The following ASTN2 variants were observed in gnomAD, a reference collection of about 807,000 sequenced individuals.
ASTN2 encodes the protein astrotactin 2, also known as astrotactin-2.
ASTN2 carries 54 observed loss-of-function variants against 139.8 expected under a neutral mutation model. The ratio of observed to expected loss-of-function variants is 0.39; its 90% CI spans 0.31 to 0.48. The LOEUF is 0.48. Among genes scored for constraint, ASTN2 ranks in the 20% least tolerant of loss-of-function variants. The probability of loss-of-function intolerance (pLI) is 0.95; values close to 1 mark genes in which losing one functional copy is unlikely to be tolerated. For missense variants in ASTN2, 1,565 were observed against 1,725.1 expected, an observed-to-expected ratio of 0.91 and a Z score of 1.64; for synonymous variants, 756 against 719.5, an observed-to-expected ratio of 1.05 and a Z score of -0.81.
At chr9:116,944,955 C>T (rs1835347582) in intron 10 of ASTN2, among the ~76,000 whole-genome samples, 1 of 152,102 alleles carries the variant, frequency 6.6e-6, no homozygotes, top group South Asian at 2.1e-4. Flanking sequence ...ATCAGAAAGT[C>T]CAGAGATAGT....
chr9:117,002,743 T>C (rs914616819), intron 7 of ASTN2, among the ~76,000 whole-genome samples: 1 of 152,306 alleles, frequency 6.6e-6, no homozygotes, highest in Admixed American at 6.5e-5. Context: ...ATTTTAAAGA[T>C]AGCAAGAAAA....
intron 19 of ASTN2, chr9:116,546,613 T>C (rs528781148): frequency 6.6e-6 from 1 of 152,310 alleles, no homozygotes; most frequent in African/African-American, 2.4e-5. Context: ...TTATGGAGCA[T>C]ACACCTGTAC....
At chr9:116,925,893 T>C (rs1834742991) in intron 10 of ASTN2, among the ~76,000 whole-genome samples, 1 of 147,146 alleles carries the variant, frequency 6.8e-6, no homozygotes, top group Admixed American at 6.8e-5. Flanking sequence ...CACACACATA[T>C]ATACACATGC....
intron 5 of ASTN2, among the ~76,000 whole-genome samples, chr9:117,087,133 T>C (rs1047201230): frequency 1.3e-5 from 2 of 152,220 alleles, no homozygotes; most frequent in African/African-American, 4.8e-5. Context: ...TGCATCACAA[T>C]ATCCCCAAGG....
chr9:117,035,357 C>T (rs1838356070), intron 6 of ASTN2, among the ~76,000 whole-genome samples: 1 of 152,182 alleles, frequency 6.6e-6, no homozygotes, highest in Non-Finnish European at 1.5e-5. Context: ...GTGCACTTTC[C>T]ATCTGTGTTT....
At chr9:117,212,805 C>T (rs1035440881) in intron 3 of ASTN2, among the ~76,000 whole-genome samples, 10 of 152,082 alleles carry the variant, frequency 6.6e-5, no homozygotes, top group Non-Finnish European at 1.2e-4. Context: ...GGTGAGAATG[C>T]GGAGAAAAGA....
At chr9:117,399,348 T>C (rs147327008) in intron 1 of ASTN2, among the ~76,000 whole-genome samples, 12 of 152,270 alleles carry the variant, frequency 7.9e-5, no homozygotes, top group African/African-American at 2.9e-4. Flanking sequence ...AAGATGGTAG[T>C]TATGAGGCAG....
chr9:117,205,145 A>G (rs1024559433), intron 3 of ASTN2, among the ~76,000 whole-genome samples: 1 of 152,236 alleles, frequency 6.6e-6, no homozygotes, highest in South Asian at 2.1e-4. Flanking sequence ...ATAAACCAGC[A>G]GTTCAAACAC....
At chr9:116,504,243 A>T (rs1850010440) in intron 19 of ASTN2, 1 of 152,160 alleles carries the variant, frequency 6.6e-6, no homozygotes, top group Non-Finnish European at 1.5e-5. Context: ...CATGTTTATG[A>T]TGTCTACAAT....
intron 4 of ASTN2, among the ~76,000 whole-genome samples, chr9:117,099,765 C>G (rs140549695): frequency 0.011 from 1,686 of 152,202 alleles, 34 homozygotes; most frequent in African/African-American, 0.039. Flanking sequence ...AAATCTATTC[C>G]TTTTTTACAA....
chr9:117,087,786 T>C (rs1220995816), intron 5 of ASTN2, among the ~76,000 whole-genome samples: 3 of 152,250 alleles, frequency 2.0e-5, no homozygotes, highest in Non-Finnish European at 4.4e-5. Context: ...AGAACAAATG[T>C]GTCTTGCCTT....
intron 10 of ASTN2, among the ~76,000 whole-genome samples, chr9:116,879,690 G>C (rs992810974): frequency 6.6e-6 from 1 of 152,190 alleles, no homozygotes; most frequent in Non-Finnish European, 1.5e-5. Flanking sequence ...TCGGACAAAT[G>C]AATGAATAAA....
intron 5 of ASTN2, among the ~76,000 whole-genome samples, chr9:117,064,041 A>G (rs1212001893): frequency 6.6e-6 from 1 of 151,984 alleles, no homozygotes; most frequent in Non-Finnish European, 1.5e-5. Flanking sequence ...TGAGCATGTC[A>G]AGGGACTTTG....
At chr9:117,220,304 A>G (rs2133035260) in intron 2 of ASTN2, among the ~76,000 whole-genome samples, 1 of 151,966 alleles carries the variant, frequency 6.6e-6, no homozygotes, top group African/African-American at 2.4e-5. Context: ...CCAGCTCCCC[A>G]CAAGCCTCAC....
At chr9:116,844,606 A>C (rs1389343672) in intron 11 of ASTN2, among the ~76,000 whole-genome samples, 1 of 152,204 alleles carries the variant, frequency 6.6e-6, no homozygotes, top group Admixed American at 6.5e-5. Context: ...GAGGAAAAAA[A>C]AAAAAACAAA....
intron 11 of ASTN2, among the ~76,000 whole-genome samples, chr9:116,858,863 A>G (rs934527314): frequency 1.3e-5 from 2 of 152,162 alleles, no homozygotes; most frequent in Admixed American, 1.3e-4. Context: ...TCAGTATTTT[A>G]TTGCTATTGT....
chr9:116,759,172 G>C (rs10817930), intron 13 of ASTN2, among the ~76,000 whole-genome samples: 45,918 of 152,102 alleles, frequency 0.3, 8,655 homozygotes, highest in Non-Finnish European at 0.41. Flanking sequence ...GAGCCACCAT[G>C]GTTGGCCCAT....
chr9:117,282,716 T>C (rs945792917), intron 2 of ASTN2, among the ~76,000 whole-genome samples: 3 of 143,704 alleles, frequency 2.1e-5, no homozygotes, highest in Non-Finnish European at 4.4e-5. Flanking sequence ...CCCTCTGCCA[T>C]GAAAACCAAA....
chr9:117,094,173 A>G (rs1828780055), intron 5 of ASTN2, among the ~76,000 whole-genome samples: 1 of 98,722 alleles, frequency 1.0e-5, no homozygotes, highest in African/African-American at 4.1e-5. Context: ...GAAGGGAGGA[A>G]GGGAGGGAGG....
Sources: gnomAD v4.1 joint callset for allele counts (sites outside exome capture counted in the v4.1 genomes callset) on GRCh38, gnomAD v4.1.1 for gene constraint, MANE v1.5 for transcripts, NCBI Gene and HGNC (gene_info 2026-07-23, HGNC 2026-07-21) for gene names.